The following PSD3 variants were observed in gnomAD, a reference collection of about 807,000 sequenced individuals.
PSD3 encodes the protein PH and SEC7 domain-containing protein 3.
A neutral mutation model predicts 105.5 loss-of-function variants in PSD3; 49 were observed. The observed-to-expected ratio is 0.46, with a 90% CI of 0.37 to 0.59. The LOEUF (loss-of-function observed/expected upper bound fraction) is 0.59. PSD3 is among the 20% of genes least tolerant of loss of function. The probability of loss-of-function intolerance (pLI) is 0.00; values close to 1 mark genes in which losing one functional copy is unlikely to be tolerated. For synonymous variants in PSD3, 557 were observed against 457.8 expected (o/e 1.22, Z -2.77); for missense variants, 1,561 against 1,263.8 (o/e 1.24, Z -3.57).
At chr8:18,568,899 TC>T (rs1801965744) in intron 14 of PSD3, among the ~76,000 whole-genome samples, 1 of 149,192 alleles carries the variant, frequency 6.7e-6, no homozygotes, top group Non-Finnish European at 1.5e-5. Context: ...ATATTCCCCT[TC>T]CTGTGTCCAT....
At chr8:18,915,766 C>T (rs1030513437) in intron 2 of PSD3, among the ~76,000 whole-genome samples, 2 of 152,054 alleles carry the variant, frequency 1.3e-5, no homozygotes, top group African/African-American at 4.8e-5. Flanking sequence ...GAACTGTGTA[C>T]ACTGTTGGTG....
intron 2 of PSD3, among the ~76,000 whole-genome samples, chr8:18,916,272 A>T (rs1375721729): frequency 7.6e-6 from 1 of 131,850 alleles, no homozygotes; most frequent in Non-Finnish European, 1.6e-5. Flanking sequence ...GTGTCTATGG[A>T]TTGCTGAATG....
intron 1 of PSD3, among the ~76,000 whole-genome samples, chr8:18,970,344 A>AAAAAAAAAG (rs1563474672): frequency 3.4e-5 from 5 of 148,410 alleles, no homozygotes; most frequent in African/African-American, 1.3e-4. Context: ...AAAAAAAAAA[A>AAAAAAAAAG]AAAACAAAGA....
At position 18,949,728 on chromosome 8, in the gene PSD3, G is replaced by A. The variant is rs1409803127; in HGVS notation, c.22-13586C>T. Among the ~76,000 whole-genome samples the A allele has an allele frequency of 2.0e-5, 3 of 152,112 alleles. No individual in the cohort carries two copies. The East Asian group carries it at 5.8e-4, about 29-fold the overall frequency. ...AAGAACTGTCCATAAACTGAGCTCA[G>A]AGCATCTACAAAACACATGTCTGTA... On this transcript the variant is annotated intron_variant, in intron 1 of 15. Coordinates refer to ENST00000327040, the MANE Select transcript of PSD3 (RefSeq NM_015310.4).
chr8:18,801,700 G>A (rs1383670035), intron 6 of PSD3, among the ~76,000 whole-genome samples: 1 of 152,022 alleles, frequency 6.6e-6, no homozygotes, highest in Non-Finnish European at 1.5e-5. Flanking sequence ...CATGGTGGTG[G>A]GCGCCTGTAA....
intron 1 of PSD3, among the ~76,000 whole-genome samples, chr8:18,960,157 C>A (rs190197744): frequency 1.4e-3 from 206 of 152,294 alleles, no homozygotes; most frequent in African/African-American, 4.6e-3. Context: ...AAAACCGAGT[C>A]CCTGTCTAGC....
At chr8:18,656,533 C>T (rs925851580) in intron 9 of PSD3, among the ~76,000 whole-genome samples, 4 of 152,062 alleles carry the variant, frequency 2.6e-5, no homozygotes, top group Non-Finnish European at 5.9e-5. Flanking sequence ...CCCAATTCTG[C>T]CTTACAGTTA....
In PSD3 at chr8:18,535,040, G is replaced by A. The variant is rs1197693420; in HGVS notation, c.*703C>T. ...ATCAATCTTTCCTCAGCCTTCAAAG[G>A]CAAAATGACTCCACTTCCTCTTTCC... On this transcript the variant is annotated 3_prime_UTR_variant, in exon 16 of 16. Coordinates refer to ENST00000327040, the MANE Select transcript of PSD3 (RefSeq NM_015310.4). 1 of 152,478 alleles carries A rather than the reference G, an allele frequency of 6.6e-6. No homozygotes were observed. Among genetic ancestry groups the A allele is most frequent in the Non-Finnish European group, 1.5e-5 (1 of 68,044 alleles). The allele number at this position is 152,478 out of a possible 1,614,324, so 9.4% of individuals were successfully genotyped here. A position where few individuals can be genotyped will look rare whatever the true frequency, so the allele number is the denominator to read the frequency against.
chr8:18,967,938 T>A (rs1824387938), intron 1 of PSD3, among the ~76,000 whole-genome samples: 1 of 152,136 alleles, frequency 6.6e-6, no homozygotes, highest in Non-Finnish European at 1.5e-5. Context: ...GGAGAATTGC[T>A]TCCAATATCC....
chr8:18,782,527 A>C (rs1214091377), intron 8 of PSD3, among the ~76,000 whole-genome samples: 2 of 152,204 alleles, frequency 1.3e-5, no homozygotes, highest in Non-Finnish European at 2.9e-5. Flanking sequence ...TGAAAGGGAC[A>C]TCAGGCAGGC....
chr8:18,934,862 G>A (rs916994318), intron 2 of PSD3, among the ~76,000 whole-genome samples: 14 of 151,990 alleles, frequency 9.2e-5, no homozygotes, highest in African/African-American at 1.9e-4. Flanking sequence ...CTTTATCATC[G>A]GTTTTCCATA....
intron 1 of PSD3, among the ~76,000 whole-genome samples, chr8:19,030,010 A>G (rs938300181): frequency 6.6e-6 from 1 of 152,182 alleles, no homozygotes; most frequent in Admixed American, 6.5e-5. Context: ...TTTTAATGCA[A>G]TATGGAATAG....
At chr8:19,045,015 T>C (rs1828261502) in intron 1 of PSD3, among the ~76,000 whole-genome samples, 1 of 152,090 alleles carries the variant, frequency 6.6e-6, no homozygotes, top group African/African-American at 2.4e-5. Context: ...TGAAACCCTG[T>C]CTATACTAAA....
At position 18,872,632 on chromosome 8, in the gene PSD3, C is replaced by G; in HGVS notation, c.232G>C (p.Glu78Gln). The G allele has an allele frequency of 1.2e-6, 2 of 1,613,978 alleles. No individual in the cohort carries two copies. The highest frequency in any genetic ancestry group is 1.3e-5 in the African/African-American group (1 of 75,010). ...CATGGCAGAGCCTCACCATCAAATT[C>G]CAGAGAAGCCCTTAGGCCTTCTCCA... ...EGGEGLRASL[E>Q]FDGEALPCHP... is the part of the protein sequence containing the mutation. The change falls in exon 3 of 16, where the codon GAA (glutamate) becomes CAA (glutamine). Residue 78 changes from glutamate to glutamine, a missense_variant. Glu to Gln is a conservative substitution (Grantham distance 29). Transcript: ENST00000327040.
intron 1 of PSD3, among the ~76,000 whole-genome samples, chr8:19,050,067 A>G (rs1229400450): frequency 6.6e-6 from 1 of 152,196 alleles, no homozygotes; most frequent in Non-Finnish European, 1.5e-5. Context: ...CGTGATGGAG[A>G]CTGCATTAAT....
intron 8 of PSD3, among the ~76,000 whole-genome samples, chr8:18,770,027 T>C (rs1482945078): frequency 6.6e-6 from 1 of 152,226 alleles, no homozygotes; most frequent in Non-Finnish European, 1.5e-5. Context: ...TATGGTAATC[T>C]TGTTTATTCA....
chr8:18,611,404 C>G (rs987052644), intron 11 of PSD3, among the ~76,000 whole-genome samples: 21 of 152,084 alleles, frequency 1.4e-4, no homozygotes, highest in African/African-American at 4.6e-4. Flanking sequence ...CTAAGAACAA[C>G]AGTTAAAACA....
chr8:18,944,079 C>A (rs1178887843), intron 1 of PSD3, among the ~76,000 whole-genome samples: 5 of 152,176 alleles, frequency 3.3e-5, no homozygotes, highest in African/African-American at 1.2e-4. Context: ...ACTTTCATGA[C>A]TATGATGGTT....
At chr8:18,876,515 T>C (rs1045528745) in intron 2 of PSD3, among the ~76,000 whole-genome samples, 2 of 152,034 alleles carry the variant, frequency 1.3e-5, no homozygotes, top group African/African-American at 2.4e-5. Context: ...GCCTCCTGAG[T>C]AGCTGGGACT....
Sources: gnomAD v4.1 joint callset for allele counts (sites outside exome capture counted in the v4.1 genomes callset) on GRCh38, gnomAD v4.1.1 for gene constraint, MANE v1.5 for transcripts, NCBI Gene and HGNC (gene_info 2026-07-23, HGNC 2026-07-21) for gene names.